The following MTUS1 variants were observed in gnomAD, a reference collection of about 807,000 sequenced individuals.
MTUS1 encodes microtubule-associated tumor suppressor 1.
In MTUS1, 109 loss-of-function variants were observed where a neutral mutation model predicts 120.8. That is an observed-to-expected ratio of 0.90 (90% CI 0.77 to 1.06). The LOEUF is 1.06. Ranked by LOEUF, MTUS1 falls within the 50% of genes least tolerant of loss-of-function variation. MTUS1 has a pLI of 0.00. For synonymous variants in MTUS1, 737 were observed against 550.5 expected, an observed-to-expected ratio of 1.34 and a Z score of -4.74; for missense variants, 2,210 against 1,486.3, an observed-to-expected ratio of 1.49 and a Z score of -8.01.
chr8:17,695,645 A>G (rs1817793884), intron 6 of MTUS1, among the ~76,000 whole-genome samples: 1 of 152,210 alleles, frequency 6.6e-6, no homozygotes, highest in Admixed American at 6.5e-5. Flanking sequence ...GTCTACTACT[A>G]GAGCACTGGT....
In MTUS1 at chr8:17,647,033, T is replaced by C. The variant is rs773225386; in HGVS notation, c.3548A>G (p.Gln1183Arg). Residue 1183 changes from glutamine to arginine, a missense_variant, in exon 14 of 15, where the codon CAG (glutamine) becomes CGG (arginine). By Grantham distance (43) the Gln-to-Arg change is conservative. Transcript: ENST00000693296. The stretch of plus-strand genomic sequence containing the variant: ...CCGAGCTTTCAATTCTTCATTCTCC[T>C]GCTGGAAACGCTTCAATTTGTCAAC... ...ALVDKLKRFQ[Q>R]ENEELKARMD... 6.8e-6 allele frequency: 11 copies of C among 1,613,966 alleles called. No individual in the cohort carries two copies. In the Admixed American group the frequency reaches 1.7e-4, roughly 24 times the overall value.
chr8:17,661,422 A>T, intron 8 of MTUS1, among the ~76,000 whole-genome samples: 1 of 152,206 alleles, frequency 6.6e-6, no homozygotes, highest in Non-Finnish European at 1.5e-5. Flanking sequence ...GAACTCAGGG[A>T]CTCAGCAATA....
At chr8:17,761,589 T>C (rs2049041727) in intron 1 of MTUS1, among the ~76,000 whole-genome samples, 2 of 152,192 alleles carry the variant, frequency 1.3e-5, no homozygotes, top group Admixed American at 1.3e-4. Context: ...ATCTCCCTAT[T>C]ACCCACAGTG....
At chr8:17,757,018 C>T (rs1033568030) in intron 1 of MTUS1, among the ~76,000 whole-genome samples, 3 of 152,076 alleles carry the variant, frequency 2.0e-5, no homozygotes, top group African/African-American at 7.3e-5. Context: ...TACCACATGC[C>T]CCAGCAATTC....
intron 1 of MTUS1, among the ~76,000 whole-genome samples, chr8:17,771,798 C>T (rs934056220): frequency 6.6e-6 from 1 of 152,228 alleles, no homozygotes; most frequent in African/African-American, 2.4e-5. Flanking sequence ...GATAATTCAT[C>T]GTCCAGTGTT....
rs763978330 is a variant in MTUS1 at position 17,755,453 on chromosome 8, G to T, written c.355C>A (p.His119Asn). Residue 119 changes from histidine to asparagine, a missense_variant, in exon 2 of 15, where the codon CAC becomes AAC. By Grantham distance (68) the His-to-Asn change is moderately conservative (BLOSUM62 1). Coordinates refer to ENST00000693296, the MANE Select transcript of MTUS1 (RefSeq NM_001363059.2). The stretch of plus-strand genomic sequence containing the variant: ...ACTGCTTCTAGGGAATGACAACTGT[G>T]TTGCAGATATTTGGGCTTCTCAGTA... ...VGTEKPKYLQ[H>N]SCHSLEAVEG... 1 of 1,614,178 alleles carries T rather than the reference G, an allele frequency of 6.2e-7. No homozygotes were observed. The highest frequency in any genetic ancestry group is 8.5e-7 in the Non-Finnish European group (1 of 1,180,020).
chr8:17,698,756 T>C (rs1818464364), intron 6 of MTUS1, among the ~76,000 whole-genome samples: 1 of 152,150 alleles, frequency 6.6e-6, no homozygotes, highest in Non-Finnish European at 1.5e-5. Flanking sequence ...AGCCCCCAAC[T>C]TGCCATTTTA....
chr8:17,752,791 G>A (rs937890573), intron 2 of MTUS1, among the ~76,000 whole-genome samples: 1 of 152,116 alleles, frequency 6.6e-6, no homozygotes, highest in Non-Finnish European at 1.5e-5. Context: ...TGGCCCAGAG[G>A]ACAGGCACCC....
At chr8:17,650,027 C>G in intron 12 of MTUS1, 65 bp from the exon 13 acceptor site, 1 of 878,756 alleles carries the variant, frequency 1.1e-6, no homozygotes, top group Non-Finnish European at 1.9e-6. Flanking sequence ...CAGAAAGAAT[C>G]TTTGATTAGA....
chr8:17,709,962 A>G (rs940218483), intron 6 of MTUS1, among the ~76,000 whole-genome samples: 3 of 151,320 alleles, frequency 2.0e-5, no homozygotes, highest in Non-Finnish European at 3.0e-5. Flanking sequence ...AGCAGAGATC[A>G]TGCCACTGCA....
chr8:17,669,782 T>C (rs192857555), intron 8 of MTUS1, among the ~76,000 whole-genome samples: 34 of 151,924 alleles, frequency 2.2e-4, no homozygotes, highest in African/African-American at 5.3e-4. Context: ...GAGGTGGAGG[T>C]TGCAGTGACC....
Position 17,753,929 on chromosome 8 carries a change from T to C in MTUS1, c.1879A>G (p.Thr627Ala), listed in dbSNP as rs1437222357. The C allele has an allele frequency of 3.7e-6, 6 of 1,614,048 alleles. No individual in the cohort carries two copies. The African/African-American group carries it at 6.7e-5, about 18-fold the overall frequency. The change falls in exon 2 of 15, where the codon ACC becomes GCC. Residue 627 changes from threonine to alanine, a missense_variant. Thr to Ala is a moderately conservative substitution (Grantham distance 58). Coordinates refer to ENST00000693296, the MANE Select transcript of MTUS1 (RefSeq NM_001363059.2). ...TGAAACAACGCAGAAACGGACCCGG[T>C]CTCGCATGCTGAGTTAGAAGAACTG... ...KASSSNSACE[T>A]GSVSALFQKI...
intron 3 of MTUS1, among the ~76,000 whole-genome samples, chr8:17,738,728 G>A (rs987926079): frequency 5.3e-5 from 8 of 152,092 alleles, no homozygotes; most frequent in Admixed American, 5.2e-4. Flanking sequence ...ATTTTCAATA[G>A]CCACATAAAA....
chr8:17,760,026 T>C (rs388048), intron 1 of MTUS1, among the ~76,000 whole-genome samples: 31,965 of 149,900 alleles, frequency 0.21, 3,889 homozygotes, highest in South Asian at 0.5. Flanking sequence ...CTGGGCAACA[T>C]AGCAGGACCC....
In MTUS1 at chr8:17,684,495, G is replaced by A. The variant is rs763980734; in HGVS notation, c.2671C>T (p.Gln891Ter). ...KNPRSLCIQP[Q>*]TAPDALPPEK... ...GGGGGCAGCGCATCGGGAGCTGTCT[G>A]TGGCTGGATACATAAGCTTCGAGGA... is the stretch of plus-strand genomic sequence containing the variant. The change falls in exon 7 of 15, where the codon CAG becomes TAG. Residue 891 changes from glutamine (Q) to a stop codon, truncating the protein, a stop_gained. Transcript: ENST00000693296. LOFTEE classifies it high-confidence loss of function. 10 of 1,614,068 alleles carry A rather than the reference G, an allele frequency of 6.2e-6. No homozygotes were observed. Among genetic ancestry groups the A allele is most frequent in the Non-Finnish European group, 4.2e-6 (5 of 1,180,036 alleles).
Position 17,754,464 on chromosome 8 carries a change from C to A in MTUS1, c.1344G>T (p.Thr448=), listed in dbSNP as rs369320389. 3.7e-6 allele frequency: 6 copies of A among 1,614,146 alleles called. No homozygotes were observed. The highest frequency in any genetic ancestry group is 4.2e-6 in the Non-Finnish European group (5 of 1,180,034). ...VTFSVSPIEA[T]EKCKKVEKGN... ...CCTTCTCCACTTTCTTACATTTCTCCGTCGCTTCAATCGGTGAAACAGAAA... is the reference window on the plus strand; with the variant it reads ...CCTTCTCCACTTTCTTACATTTCTCAGTCGCTTCAATCGGTGAAACAGAAA... The change falls in exon 2 of 15, where the codon ACG becomes ACT. Residue 448 remains threonine (T), a synonymous_variant. Transcript: ENST00000693296.
At chr8:17,661,438 G>A (rs1809668531) in intron 8 of MTUS1, among the ~76,000 whole-genome samples, 1 of 152,216 alleles carries the variant, frequency 6.6e-6, no homozygotes, top group Non-Finnish European at 1.5e-5. Flanking sequence ...CAATAAACAA[G>A]AGACTGCCTC....
chr8:17,793,363 G>C (rs2051956486), intron 1 of MTUS1, among the ~76,000 whole-genome samples: 1 of 152,130 alleles, frequency 6.6e-6, no homozygotes. Context: ...TGCTTGCTGA[G>C]TATGAAACAA....
At chr8:17,700,942 T>A (rs1818956000) in intron 6 of MTUS1, among the ~76,000 whole-genome samples, 1 of 152,198 alleles carries the variant, frequency 6.6e-6, no homozygotes, top group Non-Finnish European at 1.5e-5. Flanking sequence ...GAAATGTGTT[T>A]TTTTAAATCA....
Sources: allele counts gnomAD v4.1 joint callset (sites outside exome capture counted in the v4.1 genomes callset), GRCh38; gene constraint gnomAD v4.1.1; transcripts MANE v1.5; gene names NCBI Gene and HGNC (gene_info 2026-07-23, HGNC 2026-07-21).